The following WASHC4 variants were observed in gnomAD, a reference collection of about 807,000 sequenced individuals.
The protein encoded by WASHC4 is WASH complex subunit 4.
WASHC4 carries 86 observed loss-of-function variants against 166.6 expected under a neutral mutation model. The observed-to-expected ratio is 0.52, with a 90% CI of 0.43 to 0.62. The LOEUF (loss-of-function observed/expected upper bound fraction) is 0.62, where lower values mean the gene tolerates loss of function less well. WASHC4 is among the 20% of genes least tolerant of loss of function. The pLI, the probability that WASHC4 is intolerant of heterozygous loss-of-function variation, is 0.00. For missense variants in WASHC4, 1,262 were observed against 1,382.4 expected (o/e 0.91, Z 1.38); for synonymous variants, 446 against 451.6 (o/e 0.99, Z 0.16).
At chr12:105,149,953 AAAT>A (rs1365616526) in intron 25 of WASHC4, among the ~76,000 whole-genome samples, 18 of 152,290 alleles carry the variant, frequency 1.2e-4, no homozygotes, top group African/African-American at 4.1e-4. Flanking sequence ...CTTTATTTTA[AAAT>A]AATATAAAAG....
chr12:105,126,260 A>G lies in WASHC4; in HGVS notation c.936A>G (p.Arg312=). 1 of 1,612,660 alleles carries G rather than the reference A, an allele frequency of 6.2e-7. No individual in the cohort carries two copies. ...GAGAACCTTCTGAAATTGACCAGAG[A>G]GACAAGTATGTTGGAATTTGTGGAC... ...KLGEPSEIDQ[R]DKYVGICGLF... Residue 312 remains arginine, a synonymous_variant, in exon 12 of 33, where the codon AGA becomes AGG. Coordinates refer to ENST00000332180, the MANE Select transcript of WASHC4 (RefSeq NM_015275.3).
At position 105,144,656 on chromosome 12, in the gene WASHC4, T is replaced by G. The variant is rs1252001792; in HGVS notation, c.2180-62T>G. 6.8e-6 allele frequency: 10 copies of G among 1,465,766 alleles called. No individual in the cohort carries two copies. The East Asian group carries it at 1.8e-4, about 27-fold the overall frequency. The allele number at this position is 1,465,766 out of a possible 1,614,324, so 90.8% of individuals were successfully genotyped here. A position where few individuals can be genotyped will look rare whatever the true frequency, so the allele number is the denominator to read the frequency against. ...CAAGGACAAGTTGTTGTTTTTTCCT[T>G]TTAGGTTTCATTTCTTTTCCTTTTC... On this transcript the variant is annotated intron_variant, in intron 21 of 32. Transcript: ENST00000332180.
At chr12:105,120,484 A>G (rs1592851417) in intron 7 of WASHC4, 71 bp from the exon 8 acceptor site, 1 of 863,914 alleles carries the variant, frequency 1.2e-6, no homozygotes. Flanking sequence ...CTGCTCCTGT[A>G]TGTATTTGAA....
intron 13 of WASHC4, among the ~76,000 whole-genome samples, chr12:105,130,311 G>A (rs775435239): frequency 4.6e-5 from 7 of 152,222 alleles, no homozygotes; most frequent in Admixed American, 4.6e-4. Flanking sequence ...CATTGTGTAG[G>A]CTGCTCTGTA....
intron 13 of WASHC4, among the ~76,000 whole-genome samples, chr12:105,128,384 G>T (rs946682753): frequency 6.6e-6 from 1 of 152,182 alleles, no homozygotes; most frequent in African/African-American, 2.4e-5. Flanking sequence ...CATTTGAGTA[G>T]CAGTAAGTGG....
At chr12:105,116,062 AT>A (rs1396202657) in intron 6 of WASHC4, among the ~76,000 whole-genome samples, 1 of 152,162 alleles carries the variant, frequency 6.6e-6, no homozygotes, top group Admixed American at 6.5e-5. Flanking sequence ...GAATTAAGCT[AT>A]TACATGAGCA....
intron 6 of WASHC4, among the ~76,000 whole-genome samples, chr12:105,116,581 A>G (rs1880204300): frequency 6.6e-6 from 1 of 152,226 alleles, no homozygotes; most frequent in Non-Finnish European, 1.5e-5. Flanking sequence ...AAAATACCGT[A>G]TATGGCATTC....
chr12:105,156,800 T>C lies in WASHC4; in HGVS notation c.2825+8T>C, dbSNP rs373799228. The C allele has an allele frequency of 1.9e-6, 3 of 1,607,458 alleles. No homozygotes were observed. The highest frequency in any genetic ancestry group is 2.6e-6 in the Non-Finnish European group (3 of 1,174,628). On this transcript the variant is annotated splice_region_variant and intron_variant, in intron 27 of 32. Transcript: ENST00000332180. ...TAGCAGCAATGCCATTAGGTATGGA[T>C]GCAAACATCATTTTTGCCTTGTTTA...
chr12:105,114,502 T>C, intron 4 of WASHC4, 75 bp downstream of exon 4: 1 of 923,514 alleles, frequency 1.1e-6, no homozygotes, highest in Non-Finnish European at 1.7e-6. Flanking sequence ...ATATGTACAG[T>C]GTGCAATAAA....
Position 105,166,899 on chromosome 12 carries a change from A to G in WASHC4, c.3490A>G (p.Ser1164Gly). The change falls in exon 33 of 33, where the codon AGC (serine) becomes GGC (glycine). Residue 1164 changes from serine to glycine, a missense_variant. Coordinates refer to ENST00000332180, the MANE Select transcript of WASHC4 (RefSeq NM_015275.3). ...AACAAGCAATGGAGACCTGTCTGAC[A>G]GCACTGTGTCTGCTGATCCTGTTGT... Reference protein sequence around the residue: ...TKTSNGDLSDSTVSADPVVK With the variant: ...TKTSNGDLSDGTVSADPVVK The G allele has an allele frequency of 1.2e-6, 2 of 1,607,522 alleles. No homozygotes were observed. Among genetic ancestry groups the G allele is most frequent in the Non-Finnish European group, 1.7e-6 (2 of 1,177,196 alleles).
chr12:105,151,113 C>G lies in WASHC4; in HGVS notation c.2650-1230C>G, dbSNP rs548115565. On this transcript the variant is annotated intron_variant, in intron 25 of 32. Coordinates refer to ENST00000332180, the MANE Select transcript of WASHC4 (RefSeq NM_015275.3). The stretch of plus-strand genomic sequence containing the variant: ...TGAGCCGAGATAATGCCACTGCTCT[C>G]CAGCCTGAGTGACAAGAGCAAGACT... Among the ~76,000 whole-genome samples the G allele has an allele frequency of 1.6e-3, 235 of 145,602 alleles. 3 individuals are homozygous for G. Among genetic ancestry groups the G allele is most frequent in the African/African-American group, 6.0e-3 (232 of 38,710 alleles).
chr12:105,135,743 G>T (rs2135778390), intron 14 of WASHC4, among the ~76,000 whole-genome samples: 1 of 151,770 alleles, frequency 6.6e-6, no homozygotes, highest in East Asian at 1.9e-4. Flanking sequence ...TTTTTAGCTG[G>T]CTTTTTTATA....
intron 19 of WASHC4, among the ~76,000 whole-genome samples, 174 bp downstream of exon 19, chr12:105,142,732 G>A (rs919781601): frequency 1.3e-5 from 2 of 151,910 alleles, no homozygotes; most frequent in African/African-American, 4.8e-5. Flanking sequence ...TACTGTTAAC[G>A]AAGTTAATTT....
Position 105,168,505 on chromosome 12 carries a change from G to A in WASHC4, c.*1574G>A, listed in dbSNP as rs953561700. On this transcript the variant is annotated 3_prime_UTR_variant, in exon 33 of 33. Transcript: ENST00000332180. ...TTCGTCATTTCATAGCAACAGTATT[G>A]TTTTCTCTGTTTTTCTTCTCTAACT... The A allele has an allele frequency of 1.3e-5, 2 of 152,166 alleles. No homozygotes were observed. The highest frequency in any genetic ancestry group is 4.8e-5 in the African/African-American group (2 of 41,342). The allele number at this position is 152,166 out of a possible 1,614,324, so 9.4% of individuals were successfully genotyped here.
intron 10 of WASHC4, among the ~76,000 whole-genome samples, chr12:105,123,692 T>C (rs181685207): frequency 3.3e-5 from 5 of 152,362 alleles, no homozygotes; most frequent in Non-Finnish European, 5.9e-5. Flanking sequence ...CAAGTGCTCA[T>C]GTAGAAGCCA....
chr12:105,165,888 G>A (rs1884781674), intron 32 of WASHC4, among the ~76,000 whole-genome samples: 1 of 151,952 alleles, frequency 6.6e-6, no homozygotes. Context: ...TACTACATTT[G>A]TGTTCATTTT....
chr12:105,151,145 CAAAAAAAAAAAAAAA>C (rs34655671), intron 25 of WASHC4, among the ~76,000 whole-genome samples: 14 of 60,992 alleles, frequency 2.3e-4, no homozygotes, highest in African/African-American at 8.2e-4. Flanking sequence ...GACTCTGTCT[CAAAAAAAAAAAAAAA>C]AAAAAAAAAA....
At chr12:105,140,433 A>C (rs1302046130) in intron 16 of WASHC4, 32 bp downstream of exon 16, 1 of 1,442,190 alleles carries the variant, frequency 6.9e-7, no homozygotes, top group East Asian at 2.3e-5. Flanking sequence ...TAGCATAAGT[A>C]TGTTATCTTT....
chr12:105,159,880 TAGA>T, intron 28 of WASHC4, 118 bp from the exon 29 acceptor site: 1 of 854,522 alleles, frequency 1.2e-6, no homozygotes, highest in Non-Finnish European at 1.9e-6. Context: ...AAAATTTTCT[TAGA>T]AGTGTCTTAC....
Sources: allele counts gnomAD v4.1 joint callset (sites outside exome capture counted in the v4.1 genomes callset), GRCh38; gene constraint gnomAD v4.1.1; transcripts MANE v1.5; gene names NCBI Gene and HGNC (gene_info 2026-07-23, HGNC 2026-07-21).